Variants in PLXDC1 observed in about 807,000 individuals in gnomAD.
The protein encoded by PLXDC1 is plexin domain containing 1.
In PLXDC1, 39 loss-of-function variants were observed where a neutral mutation model predicts 61.3. The ratio of observed to expected loss-of-function variants is 0.64; its 90% CI spans 0.49 to 0.83. PLXDC1 has a LOEUF of 0.83. PLXDC1 is among the 40% of genes least tolerant of loss of function. PLXDC1 has a pLI of 0.00. For synonymous variants in PLXDC1, 212 were observed against 254.5 expected (o/e 0.83, Z 1.59); for missense variants, 596 against 666.5 (o/e 0.89, Z 1.17).
chr17:39,133,174 C>T (rs1334031755), intron 2 of PLXDC1, among the ~76,000 whole-genome samples: 2 of 152,116 alleles, frequency 1.3e-5, no homozygotes, highest in Non-Finnish European at 2.9e-5. Flanking sequence ...ACCCATTCTC[C>T]AGGTTGGGGG....
At chr17:39,097,736 AT>A (rs1910261538) in intron 7 of PLXDC1, among the ~76,000 whole-genome samples, 1 of 150,586 alleles carries the variant, frequency 6.6e-6, no homozygotes, top group African/African-American at 2.4e-5. Flanking sequence ...AAATAAATAA[AT>A]AAATAAATAA....
intron 2 of PLXDC1, among the ~76,000 whole-genome samples, chr17:39,130,781 C>T (rs1185084030): frequency 1.3e-5 from 2 of 152,022 alleles, no homozygotes; most frequent in African/African-American, 4.8e-5. Flanking sequence ...GGGTTGGTCT[C>T]GAATTCCTGA....
chr17:39,145,020 AG>A (rs936155051), intron 1 of PLXDC1, among the ~76,000 whole-genome samples: 59 of 152,346 alleles, frequency 3.9e-4, no homozygotes, highest in African/African-American at 1.4e-3. Flanking sequence ...AAAGACGTTA[AG>A]GAACCTCCCA....
intron 11 of PLXDC1, among the ~76,000 whole-genome samples, chr17:39,077,314 G>A (rs989874811): frequency 8.5e-5 from 13 of 152,310 alleles, no homozygotes; most frequent in South Asian, 2.1e-4. Context: ...ACCGCCTGGT[G>A]CATTCACGGG....
chr17:39,103,796 A>AGATCGTGC (rs1567761729), intron 7 of PLXDC1, among the ~76,000 whole-genome samples: 1 of 151,052 alleles, frequency 6.6e-6, no homozygotes, highest in Non-Finnish European at 1.5e-5. Flanking sequence ...CAGTGAGCCA[A>AGATCGTGC]GATCGTGCCA....
chr17:39,133,462 T>C (rs1247109356), intron 2 of PLXDC1, among the ~76,000 whole-genome samples: 1 of 152,124 alleles, frequency 6.6e-6, no homozygotes, highest in Non-Finnish European at 1.5e-5. Flanking sequence ...GGCAGAACTC[T>C]TCCCTTCTAC....
chr17:39,087,580 T>C (rs1333670301), intron 8 of PLXDC1, 27 bp downstream of exon 8: 2 of 1,563,524 alleles, frequency 1.3e-6, no homozygotes, highest in Admixed American at 1.7e-5. Context: ...GAGCTCTTTC[T>C]GGGATGGCGG....
chr17:39,115,149 T>C (rs1206868525), intron 2 of PLXDC1, among the ~76,000 whole-genome samples: 1 of 152,174 alleles, frequency 6.6e-6, no homozygotes, highest in Non-Finnish European at 1.5e-5. Context: ...ACCTGGATGA[T>C]CCCTGGACTC....
At chr17:39,097,118 G>C in intron 7 of PLXDC1, 1 of 410,508 alleles carries the variant, frequency 2.4e-6, no homozygotes, top group Non-Finnish European at 5.1e-6. Flanking sequence ...GGGGAGGAAA[G>C]TGTTTAGAAC....
intron 8 of PLXDC1, 137 bp downstream of exon 8, chr17:39,087,470 G>A (rs935439049): frequency 3.0e-6 from 2 of 673,236 alleles, no homozygotes; most frequent in African/African-American, 3.5e-5. Context: ...ATCAGGCTCG[G>A]GTTACAAAAG....
In PLXDC1 at chr17:39,072,491, A is replaced by G. The variant is rs1330771508; in HGVS notation, c.1187-6T>C. ...GGGATTCAACTTGGTGTCATCTTCA[A>G]AGAGAGAAGACAGAAGGAGCAAGAT... On this transcript the variant is annotated splice_polypyrimidine_tract_variant and splice_region_variant and intron_variant, in intron 11 of 13. Transcript: ENST00000315392. The G allele has an allele frequency of 3.9e-6, 6 of 1,522,828 alleles. No individual in the cohort carries two copies. The highest frequency in any genetic ancestry group is 1.9e-5 in the Admixed American group (1 of 51,458). 94.3% of individuals were successfully genotyped at this position (1,522,828 alleles called of 1,614,324 possible). A position where few individuals can be genotyped will look rare whatever the true frequency, so the allele number is the denominator to read the frequency against.
At position 39,069,925 on chromosome 17, in the gene PLXDC1, C is replaced by T. The variant is rs113209771; in HGVS notation, c.1314G>A (p.Ala438=). 5.6e-5 allele frequency: 91 copies of T among 1,613,506 alleles called. 1 individual carries two copies. The African/African-American group carries it at 6.7e-4, about 12-fold the overall frequency. The stretch of plus-strand genomic sequence containing the variant: ...TGTAAATTCCAGCCAGGATGATGGC[C>T]GCCACGAGGAGGACTGCCAGCACGA... ...VGIVLAVLLV[A]AIILAGIYIN... is the part of the protein sequence containing the mutation. Residue 438 remains alanine (A), a synonymous_variant, in exon 13 of 14, where the codon GCG becomes GCA. Coordinates refer to ENST00000315392, the MANE Select transcript of PLXDC1 (RefSeq NM_020405.5).
At chr17:39,147,729 T>G (rs996223105) in intron 1 of PLXDC1, among the ~76,000 whole-genome samples, 3 of 152,064 alleles carry the variant, frequency 2.0e-5, no homozygotes, top group African/African-American at 7.2e-5. Context: ...TCTCTATGTG[T>G]GTCCCTTGAG....
At chr17:39,106,158 G>A (rs1447076165) in intron 6 of PLXDC1, among the ~76,000 whole-genome samples, 3 of 151,942 alleles carry the variant, frequency 2.0e-5, no homozygotes, top group Non-Finnish European at 4.4e-5. Flanking sequence ...CTCTGTCTCG[G>A]TGAATGGCAC....
intron 2 of PLXDC1, among the ~76,000 whole-genome samples, chr17:39,110,104 C>A (rs899075429): frequency 6.6e-6 from 1 of 151,134 alleles, no homozygotes; most frequent in Non-Finnish European, 1.5e-5. Flanking sequence ...CCAGCCTGGG[C>A]GACAGAGCGA....
At chr17:39,107,943 C>G in intron 5 of PLXDC1, 180 bp downstream of exon 5, 10 of 670,932 alleles carry the variant, frequency 1.5e-5, no homozygotes, top group Non-Finnish European at 1.3e-5. Flanking sequence ...TCAGATTCTT[C>G]TGGGTAGCAG....
chr17:39,108,757 C>G (rs570334395), intron 4 of PLXDC1, 147 bp downstream of exon 4: 67 of 643,072 alleles, frequency 1.0e-4, no homozygotes, highest in African/African-American at 1.0e-3. Flanking sequence ...ACTGACCCCC[C>G]TCCTGAGAAT....
At chr17:39,138,677 G>C (rs1290264308) in intron 2 of PLXDC1, among the ~76,000 whole-genome samples, 1 of 152,082 alleles carries the variant, frequency 6.6e-6, no homozygotes, top group Non-Finnish European at 1.5e-5. Context: ...GGGGAGAGGA[G>C]GGGCAGGACT....
At chr17:39,140,678 C>T (rs1286886993) in intron 1 of PLXDC1, among the ~76,000 whole-genome samples, 1 of 152,216 alleles carries the variant, frequency 6.6e-6, no homozygotes, top group Non-Finnish European at 1.5e-5. Context: ...GGGTGAGAAC[C>T]ATTGCCGTTG....
Sources: gnomAD v4.1 joint callset for allele counts (sites outside exome capture counted in the v4.1 genomes callset) on GRCh38, gnomAD v4.1.1 for gene constraint, MANE v1.5 for transcripts, NCBI Gene and HGNC (gene_info 2026-07-23, HGNC 2026-07-21) for gene names.